Variants in LIMK1 observed in about 807,000 individuals in gnomAD.
LIMK1 encodes the protein LIM motif-containing protein kinase.
In LIMK1, 21 loss-of-function variants were observed where a neutral mutation model predicts 77.6. The ratio of observed to expected loss-of-function variants is 0.27; its 90% CI spans 0.19 to 0.39. LIMK1 has a LOEUF of 0.39. Ranked by LOEUF, LIMK1 falls within the 10% of genes least tolerant of loss-of-function variation. LIMK1 has a pLI of 1.00. For synonymous variants in LIMK1, 358 were observed against 370.0 expected (o/e 0.97, Z 0.37); for missense variants, 696 against 901.6 (o/e 0.77, Z 2.92).
intron 2 of LIMK1, among the ~76,000 whole-genome samples, chr7:74,094,893 T>C (rs1006371614): frequency 1.3e-5 from 2 of 151,990 alleles, no homozygotes; most frequent in African/African-American, 4.8e-5. Flanking sequence ...GCACCAGGCC[T>C]CCCTTCCTGG....
chr7:74,114,476 G>A (rs1403019715), intron 12 of LIMK1, among the ~76,000 whole-genome samples: 1 of 151,318 alleles, frequency 6.6e-6, no homozygotes, highest in Non-Finnish European at 1.5e-5. Flanking sequence ...GCTTGAGCCT[G>A]GGAAGTTGAG....
At chr7:74,090,375 GA>G (rs67570180) in intron 2 of LIMK1, among the ~76,000 whole-genome samples, 3 of 148,338 alleles carry the variant, frequency 2.0e-5, no homozygotes, top group Non-Finnish European at 3.0e-5. Flanking sequence ...ACTCCATCTC[GA>G]AAAAAAAAAG....
chr7:74,107,641 C>T (rs1799603552), intron 8 of LIMK1, among the ~76,000 whole-genome samples: 1 of 144,978 alleles, frequency 6.9e-6, no homozygotes, highest in South Asian at 2.1e-4. Flanking sequence ...GATCATGCCA[C>T]AGCACTCCAG....
intron 12 of LIMK1, among the ~76,000 whole-genome samples, chr7:74,112,529 G>A (rs782392258): frequency 1.3e-5 from 2 of 152,130 alleles, no homozygotes; most frequent in Non-Finnish European, 2.9e-5. Context: ...GACCGTCCTG[G>A]CTAACATGGG....
rs781905583 is a variant in LIMK1 at position 74,120,936 on chromosome 7, C to A, written c.1668C>A (p.Thr556=). The part of the protein sequence containing the change: ...VNADPDYLPR[T]MDFGLNVRGF... ...CAGACCCTGACTACCTGCCCCGCAC[C>A]ATGGACTTTGGCCTCAACGTGCGAG... The change falls in exon 15 of 16, where the codon ACC becomes ACA. Residue 556 remains threonine (T), a synonymous_variant. Coordinates refer to ENST00000336180, the MANE Select transcript of LIMK1 (RefSeq NM_002314.4). The A allele has an allele frequency of 5.0e-6, 8 of 1,614,068 alleles. No homozygotes were observed. The African/African-American group carries it at 8.0e-5, about 16-fold the overall frequency.
Position 74,121,547 on chromosome 7 carries a change from G to A in LIMK1, c.*246G>A. ...CTGCTGTAACCTCTGTCTTGGCAGG[G>A]CTGTCCCCTCTTGCTTCTCCTTGCA... On this transcript the variant is annotated 3_prime_UTR_variant, in exon 16 of 16. Coordinates refer to ENST00000336180, the MANE Select transcript of LIMK1 (RefSeq NM_002314.4). The A allele has an allele frequency of 2.0e-6, 1 of 493,032 alleles. No individual in the cohort carries two copies. Among genetic ancestry groups the A allele is most frequent in the Non-Finnish European group, 3.6e-6 (1 of 280,352 alleles). 30.5% of individuals were successfully genotyped at this position (493,032 alleles called of 1,614,324 possible).
intron 1 of LIMK1, 36 bp downstream of exon 1, chr7:74,084,081 A>G: frequency 2.4e-6 from 3 of 1,261,702 alleles, no homozygotes; most frequent in South Asian, 1.4e-5. Flanking sequence ...GAGGGCCTGG[A>G]GGGGGTGCCC....
intron 13 of LIMK1, among the ~76,000 whole-genome samples, chr7:74,116,751 G>T (rs1165698506): frequency 1.3e-5 from 2 of 150,872 alleles, no homozygotes; most frequent in Admixed American, 6.6e-5. Context: ...ACTCAGGCTG[G>T]AGTGCAGTGG....
chr7:74,111,307 G>A (rs982333143), intron 10 of LIMK1: 43 of 271,706 alleles, frequency 1.6e-4, no homozygotes, highest in African/African-American at 8.0e-4. Context: ...GTGTGGTGGC[G>A]CATGCCCATA....
intron 5 of LIMK1, among the ~76,000 whole-genome samples, chr7:74,101,103 T>C (rs1799451211): frequency 6.6e-6 from 1 of 152,230 alleles, no homozygotes; most frequent in Admixed American, 6.6e-5. Context: ...TGCCTGGCAC[T>C]GCATAGGCAC....
At chr7:74,107,744 C>A in intron 8 of LIMK1, 127 bp from the exon 9 acceptor site, 1 of 684,292 alleles carries the variant, frequency 1.5e-6, no homozygotes, top group Non-Finnish European at 2.6e-6. Context: ...GGGAACATCC[C>A]ATGCACAGCC....
chr7:74,099,239 G>C lies in LIMK1; in HGVS notation c.608+1G>C. 1 of 1,602,444 alleles carries C rather than the reference G, an allele frequency of 6.2e-7. No individual in the cohort carries two copies. Among genetic ancestry groups the C allele is most frequent in the Non-Finnish European group, 8.5e-7 (1 of 1,179,356 alleles). On this transcript the variant is annotated splice_donor_variant, in intron 5 of 15. Transcript: ENST00000336180. LOFTEE classifies it high-confidence loss of function. The stretch of plus-strand genomic sequence containing the variant: ...ACTCACACACCGTCCGCGTCCAGGG[G>C]TGAGTGGCCGGCCTGCCGAGGCTGC...
intron 3 of LIMK1, 94 bp downstream of exon 3, chr7:74,096,854 T>A: frequency 1.4e-6 from 2 of 1,458,736 alleles, no homozygotes; most frequent in Non-Finnish European, 1.8e-6. Context: ...TCTCTCCTGG[T>A]CTCCTTTTTG....
chr7:74,084,154 G>A, intron 1 of LIMK1, 109 bp downstream of exon 1: 1 of 439,668 alleles, frequency 2.3e-6, no homozygotes, highest in Admixed American at 4.2e-5. Flanking sequence ...TGCCTCCTCC[G>A]GGATGAGCTC....
chr7:74,085,954 A>G, intron 2 of LIMK1, 110 bp downstream of exon 2: 2 of 749,992 alleles, frequency 2.7e-6, no homozygotes, highest in East Asian at 2.7e-5. Flanking sequence ...GCCGTCCCCT[A>G]TTGTGACTTC....
chr7:74,100,461 C>T (rs966049210), intron 5 of LIMK1, among the ~76,000 whole-genome samples: 11 of 152,038 alleles, frequency 7.2e-5, no homozygotes, highest in South Asian at 2.1e-4. Flanking sequence ...CTCACTCTGT[C>T]GCCCAGTCTG....
At chr7:74,095,593 ATG>A (rs1251293900) in intron 2 of LIMK1, among the ~76,000 whole-genome samples, 1 of 151,944 alleles carries the variant, frequency 6.6e-6, no homozygotes, top group African/African-American at 2.4e-5. Flanking sequence ...TTTTTAAGAG[ATG>A]GGGTCTTACT....
chr7:74,098,948 G>T, intron 4 of LIMK1, 84 bp from the exon 5 acceptor site: 40 of 1,003,820 alleles, frequency 4.0e-5, no homozygotes, highest in Non-Finnish European at 5.5e-5. Flanking sequence ...ATTGGGGGAA[G>T]AGCCTGGGGC....
At chr7:74,100,733 C>T (rs1164701300) in intron 5 of LIMK1, among the ~76,000 whole-genome samples, 4 of 139,224 alleles carry the variant, frequency 2.9e-5, no homozygotes, top group Non-Finnish European at 6.2e-5. Flanking sequence ...CTAGCTTTCT[C>T]TCTCTCTTTT....
Sources: gnomAD v4.1 joint callset for allele counts (sites outside exome capture counted in the v4.1 genomes callset) on GRCh38, gnomAD v4.1.1 for gene constraint, MANE v1.5 for transcripts, NCBI Gene and HGNC (gene_info 2026-07-23, HGNC 2026-07-21) for gene names.